MORC4: variants seen among roughly 807,000 people sequenced by gnomAD.
MORC4 encodes the protein MORC family CW-type zinc finger protein 4.
Under a neutral mutation model 65.5 loss-of-function variants are expected in MORC4, and 22 were observed. The observed-to-expected ratio is 0.34, with a 90% CI of 0.24 to 0.48. MORC4 has a LOEUF of 0.48. Among genes scored for constraint, MORC4 ranks in the 20% least tolerant of loss-of-function variants. The pLI, the probability that MORC4 is intolerant of heterozygous loss-of-function variation, is 0.99. For synonymous variants in MORC4, 267 were observed against 255.8 expected, an observed-to-expected ratio of 1.04 and a Z score of -0.42; for missense variants, 624 against 703.0, an observed-to-expected ratio of 0.89 and a Z score of 1.27.
In MORC4 at chrX:106,999,991, C is replaced by T. The variant is rs1935152937; in HGVS notation, c.-22G>A. ...GCATTTTTTTGGCCGCCACGGTACCCGTCTGCTGCCGCCGGACCCCTGGCC... is the reference window on the plus strand; with the variant it reads ...GCATTTTTTTGGCCGCCACGGTACCTGTCTGCTGCCGCCGGACCCCTGGCC... On this transcript the variant is annotated 5_prime_UTR_variant, in exon 1 of 17. Transcript: ENST00000355610. 1.3e-6 allele frequency: 1 copy of T among 748,256 alleles called. No homozygotes were observed. The highest frequency in any genetic ancestry group is 1.7e-6 in the Non-Finnish European group (1 of 597,272). 61.7% of individuals were successfully genotyped at this position (748,256 alleles called of 1,213,427 possible).
intron 9 of MORC4, among the ~76,000 whole-genome samples, chrX:106,966,882 CT>C (rs1252547828): frequency 8.9e-6 from 1 of 112,790 alleles, no homozygotes; most frequent in African/African-American, 3.2e-5. Context: ...CAGGGCATAT[CT>C]GAACAAAAGG....
At chrX:106,967,432 G>A (rs1314168700) in intron 9 of MORC4, among the ~76,000 whole-genome samples, 1 of 112,040 alleles carries the variant, frequency 8.9e-6, no homozygotes, top group African/African-American at 3.2e-5. Context: ...ACAACTCCTT[G>A]CCAGCAAGGG....
chrX:106,992,810 T>C (rs1245233299), intron 3 of MORC4, among the ~76,000 whole-genome samples: 1 of 111,998 alleles, frequency 8.9e-6, no homozygotes, highest in Non-Finnish European at 1.9e-5. Flanking sequence ...TCTGGGTCTT[T>C]ATATTTGCTG....
chrX:106,985,087 A>G lies in MORC4; in HGVS notation c.674+9T>C, dbSNP rs1205853930. ...TTTATTAGAATCTATCACCCTTGGAATACTATACCTGCGGATGTTCCAAAT... is the reference window on the plus strand; with the variant it reads ...TTTATTAGAATCTATCACCCTTGGAGTACTATACCTGCGGATGTTCCAAAT... On this transcript the variant is annotated intron_variant, in intron 5 of 16. Transcript: ENST00000355610. The G allele has an allele frequency of 9.4e-6, 11 of 1,176,170 alleles. No homozygotes were observed. The South Asian group carries it at 2.2e-4, about 23-fold the overall frequency.
rs201040632 is a variant in MORC4 at position 106,978,233 on chromosome X, C to T, written c.937-34G>A. 1.7e-4 allele frequency: 194 copies of T among 1,171,181 alleles called. No individual in the cohort carries two copies. The African/African-American group carries it at 3.3e-3, about 20-fold the overall frequency. ...AACATCGTTAAGGAGACAAACATAC[C>T]AGGGGCTTCAACGACAAAATTTTAC... On this transcript the variant is annotated intron_variant, in intron 7 of 16. Transcript: ENST00000355610.
rs1934902574 is a variant in MORC4 at position 106,987,849 on chromosome X, T to C, written c.309-1649A>G. 3.7e-5 allele frequency among the ~76,000 whole-genome samples: 3 copies of C among 82,176 alleles called. 1 individual carries two copies. In the Admixed American group the frequency reaches 4.6e-4, roughly 13 times the overall value. 71.4% of individuals were successfully genotyped at this position (82,176 alleles called of 115,157 possible). On this transcript the variant is annotated intron_variant, in intron 3 of 16. Transcript: ENST00000355610. Reference sequence around the variant, plus strand: ...TAGTGACAGAAAAAGGTAATTTCCATGGCAGCAGTCCTTTGGGAAAAAAAA... The same window carrying C: ...TAGTGACAGAAAAAGGTAATTTCCACGGCAGCAGTCCTTTGGGAAAAAAAA...
chrX:106,942,450 C>T, intron 15 of MORC4, 65 bp downstream of exon 15: 2 of 996,288 alleles, frequency 2.0e-6, no homozygotes, highest in African/African-American at 3.8e-5. Context: ...ATAATCAGGG[C>T]ACCAATGTCC....
rs748274473 is a variant in MORC4, at chrX:106,990,115, G to C, written c.308+3115C>G. On this transcript the variant is annotated intron_variant, in intron 3 of 16. Transcript: ENST00000355610. ...GAGGCAGGAAAATTGCTTGAACCCA[G>C]GAGGCGGAGGTTGCAGTGAGCCGAG... is the stretch of plus-strand genomic sequence containing the variant. Among the ~76,000 whole-genome samples, 258 of 106,734 alleles carry C rather than the reference G, an allele frequency of 2.4e-3. 1 individual carries two copies. Among genetic ancestry groups the C allele is most frequent in the African/African-American group, 8.2e-3 (241 of 29,466 alleles). 92.7% of individuals were successfully genotyped at this position (106,734 alleles called of 115,157 possible).
rs1196234858 is a variant in MORC4, at chrX:106,998,262, T to C, written c.175+1415A>G. Among the ~76,000 whole-genome samples the C allele has an allele frequency of 3.6e-5, 4 of 112,645 alleles. No individual in the cohort carries two copies. The East Asian group carries it at 8.3e-4, about 23-fold the overall frequency. Reference sequence around the variant, plus strand: ...TTTGGTCTTAAAATCTATGTTTGTATACATGTATGCATGCATGTGTGTGCA... The same window carrying C: ...TTTGGTCTTAAAATCTATGTTTGTACACATGTATGCATGCATGTGTGTGCA... On this transcript the variant is annotated intron_variant, in intron 2 of 16. Transcript: ENST00000355610.
chrX:106,945,770 C>G (rs1933811789), intron 14 of MORC4, among the ~76,000 whole-genome samples: 2 of 110,715 alleles, frequency 1.8e-5, no homozygotes, highest in South Asian at 7.7e-4. Context: ...TTCTTTCTGC[C>G]CTTTGTCATA....
chrX:106,980,441 G>C (rs1169533084), intron 7 of MORC4, among the ~76,000 whole-genome samples: 2 of 111,064 alleles, frequency 1.8e-5, no homozygotes, highest in Non-Finnish European at 3.8e-5. Context: ...AAAAATTGCA[G>C]TGCATCTACA....
chrX:106,951,381 T>C (rs1020700146), intron 14 of MORC4, among the ~76,000 whole-genome samples: 4 of 111,804 alleles, frequency 3.6e-5, no homozygotes, highest in African/African-American at 9.8e-5. Context: ...ACTTTAGATC[T>C]TTCTTTTTTT....
At chrX:106,955,416 C>T (rs752483542) in intron 13 of MORC4, among the ~76,000 whole-genome samples, 4 of 110,471 alleles carry the variant, frequency 3.6e-5, no homozygotes, top group Admixed American at 9.7e-5. Flanking sequence ...TTTCACTCCC[C>T]TGAGATGTAT....
In MORC4 at chrX:106,976,611, T is replaced by C; in HGVS notation, c.1130A>G (p.Gln377Arg). The change falls in exon 9 of 17, where the codon CAA (glutamine) becomes CGA (arginine). Residue 377 changes from glutamine (Q) to arginine (R), a missense_variant. Physicochemically the swap from Gln to Arg is conservative, Grantham distance 43. Transcript: ENST00000355610. ...CNFLKPAYNK[Q>R]DFEYTKEYRL... Reference sequence around the variant, plus strand: ...GTACTCCTTGGTATACTCAAAGTCTTGTTTGTTGTAGGCAGGTTTTAGGAA... The same window carrying C: ...GTACTCCTTGGTATACTCAAAGTCTCGTTTGTTGTAGGCAGGTTTTAGGAA... 8.3e-7 allele frequency: 1 copy of C among 1,206,900 alleles called. No homozygotes were observed. Among genetic ancestry groups the C allele is most frequent in the South Asian group, 1.8e-5 (1 of 56,721 alleles).
At chrX:106,974,427 C>T (rs1352359719) in intron 9 of MORC4, among the ~76,000 whole-genome samples, 1 of 111,627 alleles carries the variant, frequency 9.0e-6, no homozygotes, top group African/African-American at 3.3e-5. Flanking sequence ...ACTACCTTAG[C>T]TCATGCTACA....
intron 14 of MORC4, among the ~76,000 whole-genome samples, chrX:106,943,505 T>A (rs1015198921): frequency 4.5e-5 from 5 of 110,889 alleles, no homozygotes; most frequent in African/African-American, 1.6e-4. Flanking sequence ...CTTAGAAGTA[T>A]CCTAAAGATG....
intron 14 of MORC4, among the ~76,000 whole-genome samples, chrX:106,951,787 G>T (rs1473251223): frequency 9.1e-6 from 1 of 110,167 alleles, no homozygotes; most frequent in Non-Finnish European, 1.9e-5. Context: ...CACGAGGTCA[G>T]GAGTTTGAAA....
chrX:106,969,669 C>G (rs1288162129), intron 9 of MORC4, among the ~76,000 whole-genome samples: 1 of 111,991 alleles, frequency 8.9e-6, no homozygotes, highest in Non-Finnish European at 1.9e-5. Flanking sequence ...CACAGAAATA[C>G]AAACTACCAT....
intron 6 of MORC4, 43 bp from the exon 7 acceptor site, chrX:106,981,062 G>A: frequency 8.4e-7 from 1 of 1,187,533 alleles, no homozygotes; most frequent in Non-Finnish European, 1.1e-6. Flanking sequence ...ATGTGATATT[G>A]CCAATTCTGC....
Sources: allele counts gnomAD v4.1 joint callset (sites outside exome capture counted in the v4.1 genomes callset), GRCh38; gene constraint gnomAD v4.1.1; transcripts MANE v1.5; gene names NCBI Gene and HGNC (gene_info 2026-07-23, HGNC 2026-07-21).